Variants in FOXP2 observed in about 807,000 individuals in gnomAD.
FOXP2 encodes the protein forkhead box P2, also known as forkhead box protein P2.
A neutral mutation model predicts 115.8 loss-of-function variants in FOXP2; 12 were observed. The observed-to-expected ratio is 0.10, with a 90% CI of 0.07 to 0.17. The LOEUF is 0.17. Ranked by LOEUF, FOXP2 falls within the 10% of genes least tolerant of loss-of-function variation. The probability of loss-of-function intolerance (pLI) is 1.00; values close to 1 mark genes in which losing one functional copy is unlikely to be tolerated. For synonymous variants in FOXP2, 328 were observed against 297.7 expected, an observed-to-expected ratio of 1.10 and a Z score of -1.05; for missense variants, 629 against 843.5, an observed-to-expected ratio of 0.75 and a Z score of 3.15.
chr7:114,190,076 A>G (rs1160505434), intron 1 of FOXP2, among the ~76,000 whole-genome samples: 3 of 152,204 alleles, frequency 2.0e-5, no homozygotes, highest in African/African-American at 7.2e-5. Context: ...CAAGGAAAAG[A>G]TATTACTTAA....
At chr7:114,420,315 C>T (rs539126562) in intron 1 of FOXP2, among the ~76,000 whole-genome samples, 5 of 152,054 alleles carry the variant, frequency 3.3e-5, no homozygotes, top group Admixed American at 2.6e-4. Flanking sequence ...ACAACTCAAT[C>T]ACTAAGCTTT....
At chr7:114,449,783 C>G (rs192184787) in intron 2 of FOXP2, among the ~76,000 whole-genome samples, 9 of 152,130 alleles carry the variant, frequency 5.9e-5, no homozygotes, top group Non-Finnish European at 1.5e-5. Flanking sequence ...TTTGAAATTG[C>G]TATATGCATA....
chr7:114,600,798 T>C (rs992221081), intron 3 of FOXP2, among the ~76,000 whole-genome samples: 1 of 152,182 alleles, frequency 6.6e-6, no homozygotes, highest in South Asian at 2.1e-4. Flanking sequence ...TGTATCTTCT[T>C]TGGTGAGGTG....
chr7:114,360,949 C>T (rs1307446605), intron 2 of FOXP2, among the ~76,000 whole-genome samples: 1 of 152,154 alleles, frequency 6.6e-6, no homozygotes, highest in Admixed American at 6.5e-5. Context: ...TAAAACCACT[C>T]AGTGAAGATA....
At chr7:114,201,341 T>A (rs1161639395) in intron 1 of FOXP2, among the ~76,000 whole-genome samples, 1 of 151,972 alleles carries the variant, frequency 6.6e-6, no homozygotes, top group African/African-American at 2.4e-5. Flanking sequence ...GGTGTTCCTG[T>A]TGTCCCAGAT....
At chr7:114,585,174 G>A (rs1391236235) in intron 3 of FOXP2, among the ~76,000 whole-genome samples, 1 of 152,168 alleles carries the variant, frequency 6.6e-6, no homozygotes, top group African/African-American at 2.4e-5. Flanking sequence ...TGGAAATAGT[G>A]AGACATTAAG....
At chr7:114,344,275 T>A (rs901360923) in intron 2 of FOXP2, among the ~76,000 whole-genome samples, 12 of 151,714 alleles carry the variant, frequency 7.9e-5, no homozygotes, top group African/African-American at 2.9e-4. Flanking sequence ...ACGGGGGAAG[T>A]GGGGTAGTAG....
intron 3 of FOXP2, among the ~76,000 whole-genome samples, chr7:114,541,115 C>T (rs1799641554): frequency 6.6e-6 from 1 of 151,914 alleles, no homozygotes; most frequent in African/African-American, 2.4e-5. Context: ...ATGATGATGA[C>T]TTAAGCTTTA....
intron 1 of FOXP2, among the ~76,000 whole-genome samples, chr7:114,126,920 A>G (rs568299471): frequency 3.3e-5 from 5 of 152,252 alleles, no homozygotes; most frequent in Non-Finnish European, 5.9e-5. Context: ...GGCATAACAA[A>G]CTACTGCAAA....
chr7:114,505,854 A>G (rs1797792163), intron 2 of FOXP2, among the ~76,000 whole-genome samples: 1 of 151,700 alleles, frequency 6.6e-6, no homozygotes, highest in South Asian at 2.1e-4. Context: ...GGAACATAGT[A>G]GTAGACCTGC....
Position 114,586,034 on chromosome 7 carries a change from C to A in FOXP2, c.259-42506C>A, listed in dbSNP as rs1218795660. ...GGTGTGTGTGTGTGTAGTGTGTAGA[C>A]AAAACTGTCTGCACAAACCAATTGT... On this transcript the variant is annotated intron_variant, in intron 3 of 16. Coordinates refer to ENST00000350908, the MANE Select transcript of FOXP2 (RefSeq NM_014491.4). 2.6e-5 allele frequency among the ~76,000 whole-genome samples: 4 copies of A among 151,980 alleles called. No individual in the cohort carries two copies. The East Asian group carries it at 5.8e-4, about 22-fold the overall frequency.
At chr7:114,142,136 C>T (rs1435265193) in intron 1 of FOXP2, among the ~76,000 whole-genome samples, 1 of 152,116 alleles carries the variant, frequency 6.6e-6, no homozygotes, top group Non-Finnish European at 1.5e-5. Context: ...GATTCTCCTG[C>T]CTCAGCCTCC....
intron 6 of FOXP2, among the ~76,000 whole-genome samples, chr7:114,641,053 G>C (rs1429458397): frequency 6.6e-6 from 1 of 152,002 alleles, no homozygotes; most frequent in African/African-American, 2.4e-5. Flanking sequence ...TCTTAATATA[G>C]TATTTTAATA....
chr7:114,089,525 AT>A (rs1274848855), intron 1 of FOXP2, among the ~76,000 whole-genome samples: 2 of 152,024 alleles, frequency 1.3e-5, no homozygotes, highest in Admixed American at 6.5e-5. Context: ...TTTTTATATA[AT>A]TTATACTCGG....
At chr7:114,647,790 G>T (rs1366503587) in intron 8 of FOXP2, among the ~76,000 whole-genome samples, 1 of 152,060 alleles carries the variant, frequency 6.6e-6, no homozygotes, top group Non-Finnish European at 1.5e-5. Context: ...AAGTCAGCTT[G>T]AATATAGATG....
intron 1 of FOXP2, among the ~76,000 whole-genome samples, chr7:114,203,522 T>G (rs1406238176): frequency 6.6e-6 from 1 of 152,026 alleles, no homozygotes; most frequent in Non-Finnish European, 1.5e-5. Flanking sequence ...TTTTTCTATT[T>G]TTGTAGACAC....
chr7:114,484,797 C>T (rs1318836151), intron 2 of FOXP2, among the ~76,000 whole-genome samples: 1 of 151,768 alleles, frequency 6.6e-6, no homozygotes, highest in African/African-American at 2.4e-5. Context: ...GTTGCATTAA[C>T]AGAAAAATAA....
chr7:114,530,302 C>A (rs1799080949), intron 2 of FOXP2, among the ~76,000 whole-genome samples: 1 of 151,854 alleles, frequency 6.6e-6, no homozygotes, highest in Non-Finnish European at 1.5e-5. Context: ...ATCAAATATG[C>A]TTCTGAGTGC....
At chr7:114,120,688 G>A (rs1281601068) in intron 1 of FOXP2, among the ~76,000 whole-genome samples, 21 of 125,170 alleles carry the variant, frequency 1.7e-4, no homozygotes, top group African/African-American at 7.5e-4. Context: ...GTGTGTGTGT[G>A]TGTATATGTA....
Sources: gnomAD v4.1 joint callset for allele counts (sites outside exome capture counted in the v4.1 genomes callset) on GRCh38, gnomAD v4.1.1 for gene constraint, MANE v1.5 for transcripts, NCBI Gene and HGNC (gene_info 2026-07-23, HGNC 2026-07-21) for gene names.